The following EXOC6B variants were observed in gnomAD, a reference collection of about 807,000 sequenced individuals.
EXOC6B encodes exocyst complex component 6B.
In EXOC6B, 54 loss-of-function variants were observed where a neutral mutation model predicts 113.5. The ratio of observed to expected loss-of-function variants is 0.48; its 90% confidence interval spans 0.38 to 0.60. EXOC6B has a LOEUF of 0.60. Ranked by LOEUF, EXOC6B falls within the 20% of genes least tolerant of loss-of-function variation. The pLI, the probability that EXOC6B is intolerant of heterozygous loss-of-function variation, is 0.00. For synonymous variants in EXOC6B, 357 were observed against 339.0 expected (o/e 1.05, Z -0.58); for missense variants, 797 against 977.5 (o/e 0.82, Z 2.46).
chr2:72,556,368 A>G (rs1703543158), intron 8 of EXOC6B, among the ~76,000 whole-genome samples: 1 of 152,218 alleles, frequency 6.6e-6, no homozygotes, highest in African/African-American at 2.4e-5. Flanking sequence ...TTCACTTTAT[A>G]GTCCTGATTT....
At chr2:72,719,678 T>C (rs2104726515) in intron 5 of EXOC6B, among the ~76,000 whole-genome samples, 1 of 152,344 alleles carries the variant, frequency 6.6e-6, no homozygotes, top group East Asian at 1.9e-4. Flanking sequence ...CTCTAACCAA[T>C]CATTAGCTGA....
chr2:72,401,534 T>C (rs1432235926), intron 18 of EXOC6B, among the ~76,000 whole-genome samples: 24 of 32,482 alleles, frequency 7.4e-4, no homozygotes, highest in African/African-American at 1.2e-3. Flanking sequence ...CATATATATA[T>C]ATATATATAT....
At chr2:72,397,577 G>T (rs1319836447) in intron 18 of EXOC6B, among the ~76,000 whole-genome samples, 1 of 145,984 alleles carries the variant, frequency 6.9e-6, no homozygotes, top group Non-Finnish European at 1.5e-5. Context: ...CCGAGATCAC[G>T]CCACTGCACT....
At chr2:72,782,609 TAGA>T (rs1684123793) in intron 1 of EXOC6B, among the ~76,000 whole-genome samples, 1 of 152,198 alleles carries the variant, frequency 6.6e-6, no homozygotes, top group Admixed American at 6.5e-5. Flanking sequence ...TACTCTGCTA[TAGA>T]ACATTAAAAC....
intron 6 of EXOC6B, among the ~76,000 whole-genome samples, chr2:72,648,348 C>T (rs563372203): frequency 6.6e-6 from 1 of 152,336 alleles, no homozygotes; most frequent in East Asian, 1.9e-4. Context: ...TAAATTAGTT[C>T]AACCACTGTG....
chr2:72,571,810 A>G (rs1704526043), intron 7 of EXOC6B, among the ~76,000 whole-genome samples: 1 of 152,092 alleles, frequency 6.6e-6, no homozygotes, highest in South Asian at 2.1e-4. Flanking sequence ...TTAACTGTCT[A>G]TTTACCATGT....
In EXOC6B at chr2:72,397,361, C is replaced by T. The variant is rs1692792131; in HGVS notation, c.1981-17491G>A. Among the ~76,000 whole-genome samples, 7 of 152,146 alleles carry T rather than the reference C, an allele frequency of 4.6e-5. No individual in the cohort carries two copies. In the South Asian group the frequency reaches 1.5e-3, roughly 32 times the overall value. On this transcript the variant is annotated intron_variant, in intron 18 of 21. Transcript: ENST00000272427. ...TATTGCTGGGTGCAGTGGCTCACGC[C>T]TGTAATCTCAGCACTTTGGGAGGCC...
intron 20 of EXOC6B, among the ~76,000 whole-genome samples, chr2:72,278,692 A>G (rs1313611587): frequency 6.6e-6 from 1 of 152,220 alleles, no homozygotes; most frequent in East Asian, 1.9e-4. Flanking sequence ...TGTAGGTGGC[A>G]TAATAATTGC....
chr2:72,730,887 A>G, intron 5 of EXOC6B, 120 bp downstream of exon 5: 1 of 409,716 alleles, frequency 2.4e-6, no homozygotes, highest in East Asian at 3.8e-5. Flanking sequence ...TAAATATACA[A>G]AAGGTTAAGA....
chr2:72,714,807 C>T (rs1377688084), intron 6 of EXOC6B, among the ~76,000 whole-genome samples: 1 of 151,976 alleles, frequency 6.6e-6, no homozygotes, highest in African/African-American at 2.4e-5. Context: ...CCACTACTTT[C>T]CCAAAGAGAG....
At chr2:72,675,823 C>CG (rs998192609) in intron 6 of EXOC6B, among the ~76,000 whole-genome samples, 12 of 135,778 alleles carry the variant, frequency 8.8e-5, no homozygotes, top group South Asian at 2.4e-4. Context: ...TTGGTGGGGG[C>CG]GGGGGGGCGG....
intron 20 of EXOC6B, among the ~76,000 whole-genome samples, chr2:72,255,660 T>C (rs1009358063): frequency 6.6e-6 from 1 of 152,208 alleles, no homozygotes; most frequent in Non-Finnish European, 1.5e-5. Context: ...TCTAAGTTCA[T>C]AGTTCCACAG....
chr2:72,497,380 C>G, intron 13 of EXOC6B, among the ~76,000 whole-genome samples: 1 of 152,058 alleles, frequency 6.6e-6, no homozygotes, highest in African/African-American at 2.4e-5. Context: ...ACCTACTGCT[C>G]TATATCAAGG....
chr2:72,237,105 T>C (rs1682006976), intron 20 of EXOC6B, among the ~76,000 whole-genome samples: 1 of 152,122 alleles, frequency 6.6e-6, no homozygotes, highest in South Asian at 2.1e-4. Flanking sequence ...CAGTGCCAGG[T>C]AGAGGCCCTT....
chr2:72,695,798 C>A (rs1481977465), intron 6 of EXOC6B, among the ~76,000 whole-genome samples: 1 of 152,164 alleles, frequency 6.6e-6, no homozygotes, highest in Non-Finnish European at 1.5e-5. Flanking sequence ...CATTTACTAA[C>A]CATTTCTGAA....
At chr2:72,565,016 C>G (rs548498275) in intron 7 of EXOC6B, among the ~76,000 whole-genome samples, 1 of 152,196 alleles carries the variant, frequency 6.6e-6, no homozygotes, top group East Asian at 1.9e-4. Context: ...AACCTGTGCC[C>G]AAAGTCAAAG....
chr2:72,361,011 A>G (rs1386439109), intron 19 of EXOC6B, among the ~76,000 whole-genome samples: 3 of 151,562 alleles, frequency 2.0e-5, no homozygotes, highest in Admixed American at 2.0e-4. Flanking sequence ...CCCCATTCCC[A>G]GAGAAGAGTA....
intron 18 of EXOC6B, among the ~76,000 whole-genome samples, chr2:72,451,752 C>T (rs1198394125): frequency 6.6e-6 from 1 of 151,440 alleles, no homozygotes; most frequent in Non-Finnish European, 1.5e-5. Context: ...TCATCTATCA[C>T]CAAGGAGCTA....
At chr2:72,596,897 CTAGA>C (rs1670107131) in intron 6 of EXOC6B, among the ~76,000 whole-genome samples, 1 of 151,392 alleles carries the variant, frequency 6.6e-6, no homozygotes, top group African/African-American at 2.4e-5. Context: ...TAACTCCTAC[CTAGA>C]TAAACATAAA....
Sources: gnomAD v4.1 joint callset for allele counts (sites outside exome capture counted in the v4.1 genomes callset) on GRCh38, gnomAD v4.1.1 for gene constraint, MANE v1.5 for transcripts, NCBI Gene and HGNC (gene_info 2026-07-23, HGNC 2026-07-21) for gene names.